Variants in CSNK2A1 observed in about 807,000 individuals in gnomAD.
CSNK2A1 encodes casein kinase II subunit alpha.
Under a neutral mutation model 62.9 loss-of-function variants are expected in CSNK2A1, and 10 were observed. The ratio of observed to expected loss-of-function variants is 0.16; its 90% CI spans 0.10 to 0.27. The LOEUF is 0.27. Ranked by LOEUF, CSNK2A1 falls within the 10% of genes least tolerant of loss-of-function variation. The pLI is 1.00. For missense variants in CSNK2A1, 160 were observed against 492.0 expected, an observed-to-expected ratio of 0.33 and a Z score of 6.38; for synonymous variants, 124 against 167.8, an observed-to-expected ratio of 0.74 and a Z score of 2.02.
intron 2 of CSNK2A1, among the ~76,000 whole-genome samples, chr20:525,528 G>A (rs1424395814): frequency 6.6e-6 from 1 of 151,602 alleles, no homozygotes; most frequent in Non-Finnish European, 1.5e-5. Flanking sequence ...GCGGGCGCCT[G>A]TAATCCCAGC....
intron 2 of CSNK2A1, among the ~76,000 whole-genome samples, chr20:511,012 A>C (rs564036022): frequency 6.6e-6 from 1 of 152,276 alleles, no homozygotes; most frequent in East Asian, 1.9e-4. Context: ...GTGATCCACC[A>C]TACCCAGCTT....
At chr20:491,765 T>C (rs1568506775) in intron 9 of CSNK2A1, among the ~76,000 whole-genome samples, 1 of 151,360 alleles carries the variant, frequency 6.6e-6, no homozygotes, top group Non-Finnish European at 1.5e-5. Flanking sequence ...CTACTAAAAA[T>C]ACAAGAAAAA....
chr20:528,758 A>G (rs1467001775), intron 1 of CSNK2A1, among the ~76,000 whole-genome samples: 3 of 152,054 alleles, frequency 2.0e-5, no homozygotes, highest in Admixed American at 1.3e-4. Flanking sequence ...CACCATGCCC[A>G]GCCAGATTTA....
In CSNK2A1 at chr20:482,326, T is replaced by C. The variant is rs2017970433; in HGVS notation, c.*1635A>G. ...TACAGAGCTGATGGTTTTGCTATTG[T>C]GCTTAAAAAACTAGGCTTCCTCAGT... On this transcript the variant is annotated 3_prime_UTR_variant, in exon 14 of 14. Coordinates refer to ENST00000217244, the MANE Select transcript of CSNK2A1 (RefSeq NM_177559.3). The C allele has an allele frequency of 6.6e-6, 1 of 152,190 alleles. No individual in the cohort carries two copies. Among genetic ancestry groups the C allele is most frequent in the African/African-American group, 2.4e-5 (1 of 41,450 alleles). 9.4% of individuals were successfully genotyped at this position (152,190 alleles called of 1,614,324 possible).
chr20:522,477 T>C (rs1600404206), intron 2 of CSNK2A1, among the ~76,000 whole-genome samples: 1 of 152,194 alleles, frequency 6.6e-6, no homozygotes, highest in Admixed American at 6.5e-5. Context: ...TTCTATAACA[T>C]ACATCACCAG....
intron 2 of CSNK2A1, among the ~76,000 whole-genome samples, chr20:520,012 T>C (rs2018912293): frequency 1.3e-5 from 2 of 152,022 alleles, no homozygotes; most frequent in Non-Finnish European, 2.9e-5. Context: ...ACAAGATGTA[T>C]GACAACTAAT....
intron 3 of CSNK2A1, 121 bp from the exon 4 acceptor site, chr20:505,350 G>GTTT: frequency 2.6e-6 from 1 of 390,576 alleles, no homozygotes; most frequent in Non-Finnish European, 4.5e-6. Context: ...TTCCCAAATA[G>GTTT]GTTTTTTTTT....
At chr20:492,593 T>C (rs1212748295) in intron 8 of CSNK2A1, 3 of 513,086 alleles carry the variant, frequency 5.8e-6, no homozygotes, top group Non-Finnish European at 1.0e-5. Flanking sequence ...TACAAATTTC[T>C]TAAACTGCTC....
intron 11 of CSNK2A1, chr20:488,475 C>T (rs1472508018): frequency 8.1e-6 from 4 of 495,328 alleles, no homozygotes; most frequent in Admixed American, 7.8e-5. Flanking sequence ...CTCCATCAGA[C>T]TCCTGTAAGT....
chr20:485,682 T>C (rs2018082771), intron 13 of CSNK2A1, among the ~76,000 whole-genome samples: 1 of 152,212 alleles, frequency 6.6e-6, no homozygotes, highest in Non-Finnish European at 1.5e-5. Context: ...TATACATTAC[T>C]CTGTACAGAG....
At chr20:505,351 GTTTTT>G (rs746624346) in intron 3 of CSNK2A1, 122 bp from the exon 4 acceptor site, 563 of 235,312 alleles carry the variant, frequency 2.4e-3, no homozygotes, top group Middle Eastern at 6.9e-3. Context: ...TCCCAAATAG[GTTTTT>G]TTTTTTTTTT....
chr20:531,365 C>T (rs1173143032), intron 1 of CSNK2A1, among the ~76,000 whole-genome samples: 2 of 152,132 alleles, frequency 1.3e-5, no homozygotes, highest in African/African-American at 4.8e-5. Context: ...ACCTGGACAA[C>T]TCTTCATTTA....
intron 13 of CSNK2A1, 49 bp downstream of exon 13, chr20:486,327 A>C (rs1393278947): frequency 6.2e-7 from 1 of 1,605,604 alleles, no homozygotes; most frequent in Admixed American, 1.7e-5. Context: ...AGCTAAGAAC[A>C]GTAATTGACT....
At chr20:522,208 C>T (rs759459171) in intron 2 of CSNK2A1, among the ~76,000 whole-genome samples, 18 of 152,258 alleles carry the variant, frequency 1.2e-4, no homozygotes, top group African/African-American at 3.6e-4. Context: ...GGAAAGAGAG[C>T]CTAAATTTCT....
chr20:511,729 CA>C (rs1354492206), intron 2 of CSNK2A1, among the ~76,000 whole-genome samples: 20 of 146,480 alleles, frequency 1.4e-4, no homozygotes, highest in African/African-American at 2.3e-4. Context: ...CACACACACA[CA>C]CCACATTTTG....
At position 514,507 on chromosome 20, in the gene CSNK2A1, G is replaced by C. The variant is rs550479174; in HGVS notation, c.-109-5847C>G. Among the ~76,000 whole-genome samples, 13 of 151,952 alleles carry C rather than the reference G, an allele frequency of 8.6e-5. No individual in the cohort carries two copies. In the South Asian group the frequency reaches 2.3e-3, roughly 27 times the overall value. On this transcript the variant is annotated intron_variant, in intron 2 of 13. Coordinates refer to ENST00000217244, the MANE Select transcript of CSNK2A1 (RefSeq NM_177559.3). ...GAGTGCAGTGGTGCAATCTCGCTCGGCTCACTGAAACCTCCACCTCATCTC... is the reference window on the plus strand; with the variant it reads ...GAGTGCAGTGGTGCAATCTCGCTCGCCTCACTGAAACCTCCACCTCATCTC...
rs113221834 is a variant in CSNK2A1, at chr20:524,632, AGGCTGG to A, written c.-110+3295_-110+3300del. 2.0e-3 allele frequency among the ~76,000 whole-genome samples: 254 copies of A among 126,656 alleles called. 3 individuals are homozygous for A. The highest frequency in any genetic ancestry group is 6.7e-3 in the African/African-American group (206 of 30,854). 83.1% of individuals were successfully genotyped at this position (126,656 alleles called of 152,430 possible). A position where few individuals can be genotyped will look rare whatever the true frequency, so the allele number is the denominator to read the frequency against. On this transcript the variant is annotated intron_variant, in intron 2 of 13. Coordinates refer to ENST00000217244, the MANE Select transcript of CSNK2A1 (RefSeq NM_177559.3). Reference sequence around the variant, plus strand: ...ATAATCCCAGCTACTCAGGAGGCTGAGGCTGGAGAATCGCTTGAACCTAGGAGGTGG... The same window carrying A: ...ATAATCCCAGCTACTCAGGAGGCTGAAGAATCGCTTGAACCTAGGAGGTGG...
At chr20:514,353 CAAACA>C (rs1188389271) in intron 2 of CSNK2A1, among the ~76,000 whole-genome samples, 6 of 150,270 alleles carry the variant, frequency 4.0e-5, no homozygotes, top group African/African-American at 1.5e-4. Flanking sequence ...CAAAAACAAA[CAAACA>C]AACAAACAAA....
intron 1 of CSNK2A1, among the ~76,000 whole-genome samples, chr20:542,016 T>A (rs1375405913): frequency 6.6e-6 from 1 of 152,140 alleles, no homozygotes; most frequent in African/African-American, 2.4e-5. Context: ...TAAAGCCAAA[T>A]GACTTACAAC....
Sources: gnomAD v4.1 joint callset for allele counts (sites outside exome capture counted in the v4.1 genomes callset) on GRCh38, gnomAD v4.1.1 for gene constraint, MANE v1.5 for transcripts, NCBI Gene and HGNC (gene_info 2026-07-23, HGNC 2026-07-21) for gene names.